Variants in CDH18 observed in about 807,000 individuals in gnomAD.
The protein encoded by CDH18 is cadherin 18.
CDH18 carries 31 observed loss-of-function variants against 67.9 expected under a neutral mutation model. The observed-to-expected ratio is 0.46, with a 90% CI of 0.34 to 0.62. CDH18 has a LOEUF of 0.62. CDH18 is among the 20% of genes least tolerant of loss of function. The probability of loss-of-function intolerance (pLI) is 0.01; values close to 1 mark genes in which losing one functional copy is unlikely to be tolerated. For missense variants in CDH18, 890 were observed against 975.5 expected, an observed-to-expected ratio of 0.91 and a Z score of 1.17; for synonymous variants, 362 against 347.2, an observed-to-expected ratio of 1.04 and a Z score of -0.48.
At chr5:19,857,127 G>C (rs1784384427) in intron 2 of CDH18, among the ~76,000 whole-genome samples, 1 of 152,120 alleles carries the variant, frequency 6.6e-6, no homozygotes, top group South Asian at 2.1e-4. Flanking sequence ...TTGGGACCAA[G>C]GCTGAGGCAG....
At chr5:19,953,453 T>C (rs533643397) in intron 2 of CDH18, among the ~76,000 whole-genome samples, 6 of 152,038 alleles carry the variant, frequency 3.9e-5, no homozygotes, top group Non-Finnish European at 7.4e-5. Flanking sequence ...AATTTCTGTT[T>C]GTTTATTATA....
At position 20,473,977 on chromosome 5, in the gene CDH18, A is replaced by G. The variant is rs74563423; in HGVS notation, c.-580+101485T>C. Among the ~76,000 whole-genome samples the G allele has an allele frequency of 3.9e-4, 59 of 152,304 alleles. No homozygotes were observed. The East Asian group carries it at 0.01, about 27-fold the overall frequency. ...AATGCTGTTCACTAGTAAAAATATC[A>G]TCCTTTTGCTTGCCACATAATTGTA... On this transcript the variant is annotated intron_variant, in intron 1 of 14. Transcript: ENST00000507958.
At chr5:20,293,151 T>C (rs1747230726) in intron 1 of CDH18, among the ~76,000 whole-genome samples, 2 of 152,220 alleles carry the variant, frequency 1.3e-5, no homozygotes, top group Middle Eastern at 3.4e-3. Context: ...ACTCTGTCTC[T>C]ACTAAAAATA....
At chr5:20,505,030 G>A (rs953040291) in intron 1 of CDH18, among the ~76,000 whole-genome samples, 1 of 151,982 alleles carries the variant, frequency 6.6e-6, no homozygotes, top group African/African-American at 2.4e-5. Context: ...GCCTCCCAAA[G>A]TGCTGGGATT....
At chr5:20,526,579 G>A (rs1178560667) in intron 1 of CDH18, among the ~76,000 whole-genome samples, 1 of 152,106 alleles carries the variant, frequency 6.6e-6, no homozygotes, top group Non-Finnish European at 1.5e-5. Context: ...AACCTTTGCT[G>A]TTCTGCAGCC....
chr5:19,564,074 C>T (rs779634726), intron 8 of CDH18, among the ~76,000 whole-genome samples: 17 of 152,190 alleles, frequency 1.1e-4, no homozygotes, highest in Admixed American at 7.2e-4. Context: ...GTGGTCAAAA[C>T]CTGAGTTCTG....
At chr5:19,556,884 A>C (rs1365700106) in intron 8 of CDH18, among the ~76,000 whole-genome samples, 1 of 152,164 alleles carries the variant, frequency 6.6e-6, no homozygotes, top group Non-Finnish European at 1.5e-5. Context: ...AAAAACAAAC[A>C]AACAAAAACA....
chr5:20,212,702 G>GA (rs34010482), intron 2 of CDH18, among the ~76,000 whole-genome samples: 3,871 of 142,762 alleles, frequency 0.027, 136 homozygotes, highest in African/African-American at 0.085. Context: ...GGTTAGAAAA[G>GA]AAAAAAAAAA....
intron 2 of CDH18, among the ~76,000 whole-genome samples, chr5:20,146,327 A>G (rs1167680468): frequency 6.6e-6 from 1 of 152,076 alleles, no homozygotes; most frequent in Non-Finnish European, 1.5e-5. Flanking sequence ...GATTCAGAGG[A>G]TGATGGAGAA....
intron 6 of CDH18, among the ~76,000 whole-genome samples, chr5:19,609,274 G>A (rs548497613): frequency 2.6e-4 from 40 of 151,974 alleles, no homozygotes; most frequent in African/African-American, 9.1e-4. Flanking sequence ...CTTTCACTAT[G>A]AGTCCTTTTG....
chr5:20,358,636 T>C (rs1040663067), intron 1 of CDH18, among the ~76,000 whole-genome samples: 11 of 152,144 alleles, frequency 7.2e-5, no homozygotes, highest in Non-Finnish European at 1.5e-4. Context: ...CCAAAATATA[T>C]ATTCAATATG....
chr5:19,664,922 A>G (rs1443983331), intron 5 of CDH18, among the ~76,000 whole-genome samples: 1 of 152,012 alleles, frequency 6.6e-6, no homozygotes, highest in Non-Finnish European at 1.5e-5. Flanking sequence ...GGACTGACGT[A>G]GAGTTGCGGA....
At chr5:19,494,132 C>T (rs1278617605) in intron 11 of CDH18, among the ~76,000 whole-genome samples, 2 of 152,136 alleles carry the variant, frequency 1.3e-5, no homozygotes, top group Middle Eastern at 3.4e-3. Flanking sequence ...AACATTATTT[C>T]ATCATCTGTC....
Position 20,155,440 on chromosome 5 carries a change from C to G in CDH18, c.-518+100004G>C, listed in dbSNP as rs771529681. Among the ~76,000 whole-genome samples, 5 of 151,800 alleles carry G rather than the reference C, an allele frequency of 3.3e-5. No individual in the cohort carries two copies. The East Asian group carries it at 9.6e-4, about 29-fold the overall frequency. On this transcript the variant is annotated intron_variant, in intron 2 of 14. Coordinates refer to the CDH18 transcript ENST00000507958. ...TATTTCTTTGTTTGTTTTTTCCTTG[C>G]GGAGCTTTTTAGTTCTTTGTAGATT...
chr5:19,997,833 G>T (rs1354133081), intron 2 of CDH18, among the ~76,000 whole-genome samples: 1 of 152,160 alleles, frequency 6.6e-6, no homozygotes, highest in African/African-American at 2.4e-5. Context: ...AGGGTGTCAT[G>T]AAAGTTTCTT....
rs7719012 is a variant in CDH18 at position 19,498,071 on chromosome 5, C to T, written c.1630+4921G>A. On this transcript the variant is annotated intron_variant, in intron 11 of 12. Coordinates refer to ENST00000382275, the MANE Select transcript of CDH18 (RefSeq NM_004934.5). ...TGTGGAGGCCCCAGGTGGTGTGCAG[C>T]ACACAGTGGGTTTGTACCTCAACTA... Among the ~76,000 whole-genome samples the T allele has an allele frequency of 1.5e-3, 224 of 152,248 alleles. 2 individuals are homozygous for T. The highest frequency in any genetic ancestry group is 4.7e-3 in the African/African-American group (194 of 41,560).
intron 3 of CDH18, among the ~76,000 whole-genome samples, chr5:19,810,756 C>T (rs1778548711): frequency 6.6e-6 from 1 of 152,028 alleles, no homozygotes; most frequent in East Asian, 1.9e-4. Context: ...GGCACAGTGG[C>T]TCACACTTGT....
At position 20,012,354 on chromosome 5, in the gene CDH18, C is replaced by T. The variant is rs540361466; in HGVS notation, c.-517-20340G>A. On this transcript the variant is annotated intron_variant, in intron 2 of 14. Coordinates refer to the CDH18 transcript ENST00000507958. Reference sequence around the variant, plus strand: ...TTTATCAGTTTAGCTAGCAGTCTAGCTATTTTATTATCTTGTTCAAAAAAA... The same window carrying T: ...TTTATCAGTTTAGCTAGCAGTCTAGTTATTTTATTATCTTGTTCAAAAAAA... Among the ~76,000 whole-genome samples, 367 of 96,394 alleles carry T rather than the reference C, an allele frequency of 3.8e-3. 4 individuals carry two copies. The highest frequency in any genetic ancestry group is 0.013 in the African/African-American group (344 of 26,104). The allele number at this position is 96,394 out of a possible 152,430, so 63.2% of individuals were successfully genotyped here. A position where few individuals can be genotyped will look rare whatever the true frequency, so the allele number is the denominator to read the frequency against.
intron 5 of CDH18, among the ~76,000 whole-genome samples, chr5:19,707,133 C>A (rs1764070876): frequency 6.6e-6 from 1 of 152,072 alleles, no homozygotes; most frequent in African/African-American, 2.4e-5. Context: ...GTACTATGAG[C>A]CAGCTACCCA....
Sources: gnomAD v4.1 joint callset for allele counts (sites outside exome capture counted in the v4.1 genomes callset) on GRCh38, gnomAD v4.1.1 for gene constraint, MANE v1.5 for transcripts, NCBI Gene and HGNC (gene_info 2026-07-23, HGNC 2026-07-21) for gene names.